The following MGMT variants were observed in gnomAD, a reference collection of about 807,000 sequenced individuals.
MGMT encodes the protein methylated-DNA--protein-cysteine methyltransferase.
In MGMT, 14 loss-of-function variants were observed where a neutral mutation model predicts 15.9. The observed-to-expected ratio is 0.88, with a 90% CI of 0.58 to 1.37. The LOEUF is 1.37. Ranked by LOEUF, MGMT falls within the 40% of genes most tolerant of loss-of-function variation. The pLI, the probability that MGMT is intolerant of heterozygous loss-of-function variation, is 0.00. For missense variants in MGMT, 282 were observed against 268.1 expected (o/e 1.05, Z -0.36); for synonymous variants, 130 against 118.2 (o/e 1.10, Z -0.65).
chr10:129,564,705 C>T (rs1465146164), intron 2 of MGMT, among the ~76,000 whole-genome samples: 1 of 145,032 alleles, frequency 6.9e-6, no homozygotes, highest in Non-Finnish European at 1.5e-5. Flanking sequence ...CCTTCCTCCT[C>T]TTCCTCCTCC....
intron 4 of MGMT, among the ~76,000 whole-genome samples, chr10:129,765,622 C>T (rs1030275117): frequency 6.6e-6 from 1 of 152,242 alleles, no homozygotes; most frequent in Non-Finnish European, 1.5e-5. Context: ...ACAAGAATTA[C>T]ATTCGCCATC....
At chr10:129,491,222 A>G (rs1455981342) in intron 1 of MGMT, among the ~76,000 whole-genome samples, 4 of 152,104 alleles carry the variant, frequency 2.6e-5, no homozygotes, top group Admixed American at 6.6e-5. Context: ...TTAAACACTA[A>G]TAGTTATTGA....
intron 3 of MGMT, among the ~76,000 whole-genome samples, chr10:129,722,417 A>G (rs887156852): frequency 1.3e-4 from 20 of 152,080 alleles, no homozygotes; most frequent in African/African-American, 4.8e-4. Context: ...AGTTATTGGA[A>G]GAGGCGGTGT....
In MGMT at chr10:129,533,675, A is replaced by G. The variant is rs111605732; in HGVS notation, c.-12-2566A>G. On this transcript the variant is annotated intron_variant, in intron 1 of 4. Transcript: ENST00000651593. This position sits in a 1 kb window ranked among gnomAD's most constrained non-coding sequence, Gnocchi z 4.5. ...GACGCTTGGCCTGGATGGTGGTCAC[A>G]CTGGTAATTCAGTTCCACAAGTATT... 0.016 allele frequency among the ~76,000 whole-genome samples: 2,483 copies of G among 152,156 alleles called. 45 individuals are homozygous for G. The highest frequency in any genetic ancestry group is 0.024 in the Non-Finnish European group (1,627 of 67,996).
intron 4 of MGMT, among the ~76,000 whole-genome samples, chr10:129,765,190 C>A (rs1006223424): frequency 6.6e-5 from 10 of 152,266 alleles, no homozygotes; most frequent in African/African-American, 2.4e-4. Flanking sequence ...CACCCATACA[C>A]CTGCTCCCCA....
chr10:129,703,271 A>G (rs1275498119), intron 2 of MGMT, among the ~76,000 whole-genome samples: 1 of 152,216 alleles, frequency 6.6e-6, no homozygotes, highest in Non-Finnish European at 1.5e-5. Flanking sequence ...AAATTCTTCA[A>G]ATATCCCTTT....
chr10:129,615,847 T>A (rs1188781916), intron 2 of MGMT, among the ~76,000 whole-genome samples: 1 of 151,982 alleles, frequency 6.6e-6, no homozygotes, highest in Admixed American at 6.5e-5. Flanking sequence ...GGTCCAGGTA[T>A]AAGAAGAGCT....
rs1209565225 is a variant in MGMT, at chr10:129,530,771, C to T, written c.-12-5470C>T. Among the ~76,000 whole-genome samples the T allele has an allele frequency of 2.0e-5, 3 of 152,342 alleles. No homozygotes were observed. In the East Asian group the frequency reaches 5.8e-4, roughly 29 times the overall value. On this transcript the variant is annotated intron_variant, in intron 1 of 4. Transcript: ENST00000651593. ...CAGGGCCCGAGGGTGGCTGTGTCCC[C>T]CACGCCTCTCCAGGCACACCAGGCC...
chr10:129,643,207 G>A (rs1034217932), intron 2 of MGMT, among the ~76,000 whole-genome samples: 1 of 152,156 alleles, frequency 6.6e-6, no homozygotes, highest in African/African-American at 2.4e-5. Flanking sequence ...GAGGTTAAGC[G>A]TCCCCCATGG....
chr10:129,529,278 A>C (rs956342464), intron 1 of MGMT, among the ~76,000 whole-genome samples: 1 of 151,972 alleles, frequency 6.6e-6, no homozygotes, highest in African/African-American at 2.4e-5. Flanking sequence ...GGGGTCCCCA[A>C]TTTTTTTGGC....
intron 3 of MGMT, among the ~76,000 whole-genome samples, chr10:129,752,468 C>T (rs1848760004): frequency 6.6e-6 from 1 of 151,986 alleles, no homozygotes; most frequent in Non-Finnish European, 1.5e-5. Context: ...AGATCATTTA[C>T]ATTTAATGTA....
At chr10:129,756,149 TGG>T (rs1228472685) in intron 3 of MGMT, among the ~76,000 whole-genome samples, 1 of 152,198 alleles carries the variant, frequency 6.6e-6, no homozygotes, top group African/African-American at 2.4e-5. Context: ...CAGTCTTCTC[TGG>T]GTGAGGCAGT....
intron 2 of MGMT, among the ~76,000 whole-genome samples, chr10:129,562,524 C>T (rs1054227581): frequency 6.6e-6 from 1 of 152,238 alleles, no homozygotes; most frequent in African/African-American, 2.4e-5. Context: ...AATTCTTAAT[C>T]TTGAAAGCAG....
Position 129,507,730 on chromosome 10 carries a change from C to G in MGMT, c.-12-28511C>G, listed in dbSNP as rs193301665. 6.2e-4 allele frequency among the ~76,000 whole-genome samples: 95 copies of G among 152,292 alleles called. 2 individuals are homozygous for G. The highest frequency in any genetic ancestry group is 5.2e-3 in the East Asian group (27 of 5,174). The stretch of plus-strand genomic sequence containing the variant: ...TTCTGTGCAACTTTTTATTGTCCAG[C>G]CTCACACTGTATTTCTTCGCGCACT... On this transcript the variant is annotated intron_variant, in intron 1 of 4. Coordinates refer to ENST00000651593, the MANE Select transcript of MGMT (RefSeq NM_002412.5).
chr10:129,543,838 TGGAA>T (rs1413800869), intron 2 of MGMT, among the ~76,000 whole-genome samples: 1 of 152,214 alleles, frequency 6.6e-6, no homozygotes, highest in African/African-American at 2.4e-5. Flanking sequence ...AGGAACTTCT[TGGAA>T]GGAAGAAAAG....
chr10:129,626,364 G>A (rs181837659), intron 2 of MGMT, among the ~76,000 whole-genome samples: 98 of 152,248 alleles, frequency 6.4e-4, no homozygotes, highest in Non-Finnish European at 1.1e-3. Context: ...AACACCACCC[G>A]TGTGAACAGC....
rs1325685195 is a variant in MGMT at position 129,770,327 on chromosome 10, C to A, written c.*3330C>A. On this transcript the variant is annotated 3_prime_UTR_variant, in exon 5 of 5. Coordinates refer to ENST00000651593, the MANE Select transcript of MGMT (RefSeq NM_002412.5). Reference sequence around the variant, plus strand: ...TAAGAGGTGGTGTGACCCGCTGGAGCCCTGTGGAGTGGCGGACTCTGGGGA... The same window carrying A: ...TAAGAGGTGGTGTGACCCGCTGGAGACCTGTGGAGTGGCGGACTCTGGGGA... Among the ~76,000 whole-genome samples the A allele has an allele frequency of 6.6e-6, 1 of 152,238 alleles. No homozygotes were observed. Among genetic ancestry groups the A allele is most frequent in the Non-Finnish European group, 1.5e-5 (1 of 68,040 alleles).
At chr10:129,590,694 A>C (rs1340324935) in intron 2 of MGMT, among the ~76,000 whole-genome samples, 1 of 152,254 alleles carries the variant, frequency 6.6e-6, no homozygotes, top group Non-Finnish European at 1.5e-5. Context: ...TTCTGATATC[A>C]GCATTTAAGA....
intron 1 of MGMT, among the ~76,000 whole-genome samples, chr10:129,494,881 G>A (rs871026): frequency 0.47 from 71,140 of 151,948 alleles, 17,105 homozygotes; most frequent in East Asian, 0.63. Context: ...TCCTTTTTGG[G>A]ATGTCACAGA....
Sources: gnomAD v4.1 joint callset for allele counts (sites outside exome capture counted in the v4.1 genomes callset) on GRCh38, gnomAD v4.1.1 for gene constraint, Gnocchi (gnomAD v3.1) non-coding constraint, MANE v1.5 for transcripts, NCBI Gene and HGNC (gene_info 2026-07-23, HGNC 2026-07-21) for gene names.